The following SRGAP1 variants were observed in gnomAD, a reference collection of about 807,000 sequenced individuals.
SRGAP1 encodes the protein SLIT-ROBO Rho GTPase activating protein 1.
SRGAP1 carries 43 observed loss-of-function variants against 121.9 expected under a neutral mutation model. That is an observed-to-expected ratio of 0.35 (90% CI 0.28 to 0.46). The LOEUF (loss-of-function observed/expected upper bound fraction) is 0.46, where lower values mean the gene tolerates loss of function less well. SRGAP1 is among the 20% of genes least tolerant of loss of function. SRGAP1 has a pLI of 1.00. For synonymous variants in SRGAP1, 447 were observed against 485.4 expected (o/e 0.92, Z 1.04); for missense variants, 1,102 against 1,350.9 (o/e 0.82, Z 2.89).
At chr12:64,096,870 A>C (rs1378977731) in intron 14 of SRGAP1, among the ~76,000 whole-genome samples, 1 of 152,154 alleles carries the variant, frequency 6.6e-6, no homozygotes, top group Non-Finnish European at 1.5e-5. Flanking sequence ...TCTTTTTCCC[A>C]GTAGGGTAAG....
chr12:63,990,639 T>C (rs191275510), intron 3 of SRGAP1, among the ~76,000 whole-genome samples: 408 of 152,326 alleles, frequency 2.7e-3, no homozygotes, highest in Non-Finnish European at 3.9e-3. Context: ...TCAGTGAATC[T>C]ATGAGCTACA....
chr12:63,955,783 G>A (rs1299243252), intron 1 of SRGAP1, among the ~76,000 whole-genome samples: 1 of 151,494 alleles, frequency 6.6e-6, no homozygotes, highest in East Asian at 1.9e-4. Context: ...AGCTGCTTAT[G>A]GACATTTGAG....
At chr12:64,031,068 A>T (rs974850234) in intron 4 of SRGAP1, among the ~76,000 whole-genome samples, 1 of 152,178 alleles carries the variant, frequency 6.6e-6, no homozygotes, top group Non-Finnish European at 1.5e-5. Context: ...CTGTAATCCC[A>T]GCACTTTGGG....
intron 1 of SRGAP1, among the ~76,000 whole-genome samples, chr12:63,898,231 T>C (rs1220250906): frequency 6.6e-6 from 1 of 152,210 alleles, no homozygotes; most frequent in African/African-American, 2.4e-5. Context: ...AGGAAGCTTG[T>C]TGGAAGGCTT....
At chr12:64,093,391 A>G (rs1326100994) in intron 12 of SRGAP1, among the ~76,000 whole-genome samples, 1 of 152,150 alleles carries the variant, frequency 6.6e-6, no homozygotes, top group Non-Finnish European at 1.5e-5. Context: ...ATGAAAACCG[A>G]AGACATTTTT....
chr12:64,024,856 C>T (rs979224695), intron 4 of SRGAP1, among the ~76,000 whole-genome samples: 1 of 152,162 alleles, frequency 6.6e-6, no homozygotes, highest in Non-Finnish European at 1.5e-5. Context: ...AACTCACTCA[C>T]TATCATGAGA....
At position 63,900,294 on chromosome 12, in the gene SRGAP1, C is replaced by T. The variant is rs1242652502; in HGVS notation, c.67+55411C>T. Among the ~76,000 whole-genome samples, 97 of 149,194 alleles carry T rather than the reference C, an allele frequency of 6.5e-4. 2 individuals are homozygous for T. Among genetic ancestry groups the T allele is most frequent in the Admixed American group, 6.5e-3 (96 of 14,804 alleles). On this transcript the variant is annotated intron_variant, in intron 1 of 21. Transcript: ENST00000355086. ...GATCTCGGCTCACTGCAGCCTCTGC[C>T]TCCCGGGTTCAAGCGATTCTCCTGC...
At chr12:63,860,810 TTC>T (rs1899418355) in intron 1 of SRGAP1, among the ~76,000 whole-genome samples, 1 of 148,724 alleles carries the variant, frequency 6.7e-6, no homozygotes, top group Non-Finnish European at 1.5e-5. Flanking sequence ...TTTTCTTCAT[TTC>T]TCTCTTTCTT....
chr12:64,117,795 C>T (rs2036546985), intron 18 of SRGAP1, among the ~76,000 whole-genome samples: 1 of 152,150 alleles, frequency 6.6e-6, no homozygotes, highest in South Asian at 2.1e-4. Flanking sequence ...ACCGTTCCAC[C>T]CTTTGATTCT....
chr12:63,950,884 A>G (rs1182144392), intron 1 of SRGAP1, among the ~76,000 whole-genome samples: 2 of 140,392 alleles, frequency 1.4e-5, no homozygotes, highest in Admixed American at 1.4e-4. Flanking sequence ...TGAGTCCCCC[A>G]CTCCACCCCA....
At chr12:63,869,581 A>G (rs1034900500) in intron 1 of SRGAP1, among the ~76,000 whole-genome samples, 18 of 152,336 alleles carry the variant, frequency 1.2e-4, no homozygotes, top group African/African-American at 4.1e-4. Context: ...CAAGTCTTCC[A>G]TAACTTAACT....
At chr12:64,025,410 G>A (rs1200459112) in intron 4 of SRGAP1, among the ~76,000 whole-genome samples, 5 of 152,148 alleles carry the variant, frequency 3.3e-5, no homozygotes, top group Admixed American at 2.6e-4. Flanking sequence ...GAGCCTCAAA[G>A]AGGTTTTTGA....
intron 1 of SRGAP1, among the ~76,000 whole-genome samples, chr12:63,976,146 C>T (rs886352916): frequency 6.6e-6 from 1 of 152,152 alleles, no homozygotes; most frequent in East Asian, 1.9e-4. Flanking sequence ...CCAGCCTAAA[C>T]ACAGGTATTT....
chr12:64,075,247 C>G (rs2035714880), intron 8 of SRGAP1, among the ~76,000 whole-genome samples: 1 of 152,202 alleles, frequency 6.6e-6, no homozygotes, highest in Non-Finnish European at 1.5e-5. Flanking sequence ...AAGGGATGGG[C>G]CGAATTAAAG....
intron 3 of SRGAP1, among the ~76,000 whole-genome samples, chr12:64,008,235 G>A (rs551576497): frequency 4.2e-4 from 64 of 152,254 alleles, no homozygotes; most frequent in African/African-American, 1.5e-3. Flanking sequence ...GGTTTTGGGG[G>A]TTTTCCCCCT....
chr12:63,948,823 TC>T (rs1231028478), intron 1 of SRGAP1, among the ~76,000 whole-genome samples: 1 of 140,798 alleles, frequency 7.1e-6, no homozygotes, highest in Non-Finnish European at 1.5e-5. Flanking sequence ...ATATATGTTT[TC>T]CATATATATA....
intron 4 of SRGAP1, among the ~76,000 whole-genome samples, chr12:64,040,875 A>G (rs1216802973): frequency 1.3e-5 from 2 of 152,190 alleles, no homozygotes; most frequent in Non-Finnish European, 2.9e-5. Flanking sequence ...AGTCTCAAAA[A>G]TGTGCATATT....
chr12:63,877,543 T>C (rs1309074969), intron 1 of SRGAP1, among the ~76,000 whole-genome samples: 1 of 152,194 alleles, frequency 6.6e-6, no homozygotes, highest in African/African-American at 2.4e-5. Flanking sequence ...GCAAATAAAG[T>C]TGTTGGGTAG....
chr12:64,101,474 T>A (rs907875216), intron 15 of SRGAP1, among the ~76,000 whole-genome samples: 1 of 152,200 alleles, frequency 6.6e-6, no homozygotes, highest in Non-Finnish European at 1.5e-5. Flanking sequence ...AAATATGCAC[T>A]ATTTGTTCCC....
Sources: allele counts gnomAD v4.1 joint callset (sites outside exome capture counted in the v4.1 genomes callset), GRCh38; gene constraint gnomAD v4.1.1; transcripts MANE v1.5; gene names NCBI Gene and HGNC (gene_info 2026-07-23, HGNC 2026-07-21).